ACOX3: variants seen among roughly 807,000 people sequenced by gnomAD.
ACOX3 encodes the protein acyl-CoA oxidase 3, pristanoyl, also known as peroxisomal acyl-coenzyme A oxidase 3.
Under a neutral mutation model 81.5 loss-of-function variants are expected in ACOX3, and 73 were observed. The ratio of observed to expected loss-of-function variants is 0.90; its 90% CI spans 0.74 to 1.09. The LOEUF is 1.09. Ranked by LOEUF, ACOX3 falls within the 50% of genes least tolerant of loss-of-function variation. ACOX3 has a pLI of 0.00. For synonymous variants in ACOX3, 387 were observed against 375.1 expected, an observed-to-expected ratio of 1.03 and a Z score of -0.37; for missense variants, 947 against 928.0, an observed-to-expected ratio of 1.02 and a Z score of -0.27.
rs1717630682 is a variant in ACOX3 at position 8,381,416 on chromosome 4, C to A, written c.1653+76G>T. ...CTGGGGCCTGAATTGCCAGGATGTT[C>A]AAACTCCCAGGGACACAACGGCCAG... On this transcript the variant is annotated intron_variant, in intron 14 of 17. Transcript: ENST00000356406. This position sits in a 1 kb window ranked among gnomAD's most constrained non-coding sequence, Gnocchi z 4.3. The A allele has an allele frequency of 7.2e-7, 1 of 1,396,770 alleles. No homozygotes were observed. Among genetic ancestry groups the A allele is most frequent in the South Asian group, 1.3e-5 (1 of 79,362 alleles). The allele number at this position is 1,396,770 out of a possible 1,614,324, so 86.5% of individuals were successfully genotyped here.
chr4:8,356,541 T>C, the ACOX3 span: 4 of 455,794 alleles, frequency 8.8e-6, no homozygotes, highest in African/African-American at 4.0e-5. Context: ...CCACAGAGTA[T>C]GACCCATTTC....
rs188113828 is a variant in ACOX3, at chr4:8,405,319, G to C, written c.776+636C>G. On this transcript the variant is annotated intron_variant, in intron 7 of 17. Transcript: ENST00000356406. The surrounding 1 kb of genome is among the most constrained non-coding windows in gnomAD (Gnocchi z 7.1). ...CCAAAATCACTGGCCACTTCTCCCC[G>C]GCCACCCAGGCCTCCATGTGGCCAT... Among the ~76,000 whole-genome samples the C allele has an allele frequency of 6.6e-6, 1 of 152,078 alleles. No homozygotes were observed. The highest frequency in any genetic ancestry group is 1.5e-5 in the Non-Finnish European group (1 of 68,018).
chr4:8,376,283 T>A (rs1716949813), intron 14 of ACOX3, among the ~76,000 whole-genome samples: 2 of 152,046 alleles, frequency 1.3e-5, no homozygotes, highest in South Asian at 4.1e-4. Flanking sequence ...CCAGATTTTT[T>A]AAATTAGGAA....
At chr4:8,427,752 G>A (rs1723640988) in intron 1 of ACOX3, among the ~76,000 whole-genome samples, 1 of 152,226 alleles carries the variant, frequency 6.6e-6, no homozygotes, top group Non-Finnish European at 1.5e-5. Context: ...CACCCTGGGA[G>A]CAAAGACCGG....
chr4:8,433,700 G>C (rs1235909494), intron 1 of ACOX3, among the ~76,000 whole-genome samples: 1 of 152,212 alleles, frequency 6.6e-6, no homozygotes, highest in Non-Finnish European at 1.5e-5. Flanking sequence ...ATTTGAGTTA[G>C]TTTTCACTTT....
rs1426711266 is a variant in ACOX3, at chr4:8,399,818, A to G, written c.777-166T>C. On this transcript the variant is annotated intron_variant, in intron 7 of 17. Coordinates refer to ENST00000356406, the MANE Select transcript of ACOX3 (RefSeq NM_003501.3). The surrounding 1 kb of genome is among the most constrained non-coding windows in gnomAD (Gnocchi z 4.9). ...AACTTTCTATTCAAAAAAGTAGTCTAGTCAGGAACAGTGGCTCACGCCCAG... is the reference window on the plus strand; with the variant it reads ...AACTTTCTATTCAAAAAAGTAGTCTGGTCAGGAACAGTGGCTCACGCCCAG... Among the ~76,000 whole-genome samples the G allele has an allele frequency of 1.3e-5, 2 of 152,240 alleles. No individual in the cohort carries two copies. Among genetic ancestry groups the G allele is most frequent in the Non-Finnish European group, 2.9e-5 (2 of 68,048 alleles).
chr4:8,366,970 C>T lies in ACOX3; in HGVS notation c.2094G>A (p.Ser698=), dbSNP rs775208798. 2.0e-5 allele frequency: 32 copies of T among 1,613,788 alleles called. No homozygotes were observed. The highest frequency in any genetic ancestry group is 3.3e-5 in the Admixed American group (2 of 60,002). The change falls in exon 18 of 18, where the codon TCG becomes TCA. Residue 698 remains serine, a synonymous_variant. Coordinates refer to ENST00000356406, the MANE Select transcript of ACOX3 (RefSeq NM_003501.3). ...ATGTGTGCCAGTCCCACTAGAGCTT[C>T]GATTTCAGACTTCCTATGACAGGTT... ...VNKPVIGSLK[S]KL
rs538959937 is a variant in ACOX3 at position 8,385,290 on chromosome 4, C to T, written c.1538-3683G>A. Among the ~76,000 whole-genome samples, 6 of 151,898 alleles carry T rather than the reference C, an allele frequency of 4.0e-5. No homozygotes were observed. The highest frequency in any genetic ancestry group is 7.3e-5 in the African/African-American group (3 of 41,300). ...CACCATGCACTCCACGTGACCTCAC[C>T]GCTCCCCCACGTGACTCCACCGCTC... On this transcript the variant is annotated intron_variant, in intron 13 of 17. Transcript: ENST00000356406. This position sits in a 1 kb window ranked among gnomAD's most constrained non-coding sequence, Gnocchi z 5.5.
Position 8,406,295 on chromosome 4 carries a change from G to A in ACOX3, c.688-252C>T, listed in dbSNP as rs1316780424. On this transcript the variant is annotated intron_variant, in intron 6 of 17. Transcript: ENST00000356406. The surrounding 1 kb of genome is among the most constrained non-coding windows in gnomAD (Gnocchi z 5.6). ...GATAAGGTCATCCCAAATCACCCAG[G>A]TGGGCCCTAAATCCCACGGCAAGTG... Among the ~76,000 whole-genome samples the A allele has an allele frequency of 6.6e-6, 1 of 152,170 alleles. No individual in the cohort carries two copies. The highest frequency in any genetic ancestry group is 2.4e-5 in the African/African-American group (1 of 41,436).
chr4:8,407,479 G>A lies in ACOX3; in HGVS notation c.688-1436C>T, dbSNP rs926179106. Among the ~76,000 whole-genome samples the A allele has an allele frequency of 1.3e-5, 2 of 152,180 alleles. No individual in the cohort carries two copies. Among genetic ancestry groups the A allele is most frequent in the Admixed American group, 6.5e-5 (1 of 15,282 alleles). ...CCCTAGAGCCTTTAAAGGGAATGCCGCCCTAAAGATTCCTCAATTTCAGAC... is the reference window on the plus strand; with the variant it reads ...CCCTAGAGCCTTTAAAGGGAATGCCACCCTAAAGATTCCTCAATTTCAGAC... On this transcript the variant is annotated intron_variant, in intron 6 of 17. Transcript: ENST00000356406. The surrounding 1 kb of genome is among the most constrained non-coding windows in gnomAD (Gnocchi z 4.6).
intron 6 of ACOX3, among the ~76,000 whole-genome samples, chr4:8,408,687 C>G (rs1299610801): frequency 2.0e-5 from 3 of 152,180 alleles, no homozygotes; most frequent in Non-Finnish European, 4.4e-5. Flanking sequence ...GTCCCTGCTT[C>G]CCAGCACACG....
rs759828894 is a variant in ACOX3, at chr4:8,416,458, C to G, written c.64G>C (p.Asp22His). 3.2e-5 allele frequency: 51 copies of G among 1,614,098 alleles called. No homozygotes were observed. Among genetic ancestry groups the G allele is most frequent in the Non-Finnish European group, 4.3e-5 (51 of 1,179,988 alleles). Residue 22 changes from aspartate (D) to histidine (H), a missense_variant, in exon 2 of 18, where the codon GAT becomes CAT. By Grantham distance (81) the Asp-to-His change is moderately conservative (BLOSUM62 -1). Coordinates refer to ENST00000356406, the MANE Select transcript of ACOX3 (RefSeq NM_003501.3). This position sits in a 1 kb window ranked among gnomAD's most constrained non-coding sequence, Gnocchi z 4.2. ...AAGGACGCTCTTGCTCGGTAGGCAT[C>G]GAGGGGCCCCCTGGGGAATTCTGGG... is the stretch of plus-strand genomic sequence containing the variant. ...LLPEFPRGPLDAYRARASFSW... is the reference protein window; with the variant it reads ...LLPEFPRGPLHAYRARASFSW...
chr4:8,404,983 G>A (rs1046519485), intron 7 of ACOX3, among the ~76,000 whole-genome samples: 5 of 152,104 alleles, frequency 3.3e-5, no homozygotes, highest in African/African-American at 1.2e-4. Context: ...CACCAAATGG[G>A]CCAGTGGCCA....
intron 17 of ACOX3, among the ~76,000 whole-genome samples, chr4:8,367,335 T>C (rs1198888087): frequency 6.6e-6 from 1 of 151,768 alleles, no homozygotes; most frequent in African/African-American, 2.4e-5. Flanking sequence ...AATTCAAAAT[T>C]AGCCAGGTGT....
Position 8,389,911 on chromosome 4 carries a change from C to G in ACOX3, c.1301-177G>C, listed in dbSNP as rs956448455. 1.3e-5 allele frequency among the ~76,000 whole-genome samples: 2 copies of G among 152,070 alleles called. No individual in the cohort carries two copies. The highest frequency in any genetic ancestry group is 4.8e-5 in the African/African-American group (2 of 41,362). On this transcript the variant is annotated intron_variant, in intron 11 of 17. Coordinates refer to ENST00000356406, the MANE Select transcript of ACOX3 (RefSeq NM_003501.3). This position sits in a 1 kb window ranked among gnomAD's most constrained non-coding sequence, Gnocchi z 5.3. The stretch of plus-strand genomic sequence containing the variant: ...CTTGAAGCCAGGTGTTCAAGACCAG[C>G]CTGACCAACATGGTGAAACCCACCT...
intron 7 of ACOX3, among the ~76,000 whole-genome samples, chr4:8,402,228 G>A (rs1720448710): frequency 6.6e-6 from 1 of 152,236 alleles, no homozygotes; most frequent in African/African-American, 2.4e-5. Flanking sequence ...GCTCCTTAGG[G>A]AAACCTGGGT....
chr4:8,369,605 C>T (rs1171856535), intron 17 of ACOX3, among the ~76,000 whole-genome samples: 1 of 152,222 alleles, frequency 6.6e-6, no homozygotes, highest in Non-Finnish European at 1.5e-5. Flanking sequence ...CCACCCGGCT[C>T]CTGGCACTAC....
rs1720354382 is a variant in ACOX3, at chr4:8,401,347, T to C, written c.777-1695A>G. 1.3e-5 allele frequency among the ~76,000 whole-genome samples: 2 copies of C among 152,180 alleles called. 1 individual carries two copies. Among genetic ancestry groups the C allele is most frequent in the South Asian group, 4.1e-4 (2 of 4,832 alleles). On this transcript the variant is annotated intron_variant, in intron 7 of 17. Transcript: ENST00000356406. ...ATCTATAAAGAATAATCTCACATGC[T>C]GGAAGGGAACCAGAGGCACCCGTTT...
chr4:8,390,743 C>T (rs552747716), intron 11 of ACOX3, among the ~76,000 whole-genome samples: 46 of 152,314 alleles, frequency 3.0e-4, no homozygotes, highest in African/African-American at 9.6e-4. Context: ...CTCACACTCA[C>T]GTACTGTGAC....
Sources: allele counts gnomAD v4.1 joint callset (sites outside exome capture counted in the v4.1 genomes callset), GRCh38; gene constraint gnomAD v4.1.1; non-coding constraint Gnocchi (gnomAD v3.1); transcripts MANE v1.5; gene names NCBI Gene and HGNC (gene_info 2026-07-23, HGNC 2026-07-21).